Variants in PALS1 observed in about 807,000 individuals in gnomAD.
The protein encoded by PALS1 is protein PALS1.
A neutral mutation model predicts 78.9 loss-of-function variants in PALS1; 31 were observed. That is an observed-to-expected ratio of 0.39 (90% CI 0.30 to 0.53). The LOEUF (loss-of-function observed/expected upper bound fraction) is 0.53, where lower values mean the gene tolerates loss of function less well. Among genes scored for constraint, PALS1 ranks in the 20% least tolerant of loss-of-function variants. The probability of loss-of-function intolerance (pLI) is 0.67; values close to 1 mark genes in which losing one functional copy is unlikely to be tolerated. For synonymous variants in PALS1, 276 were observed against 270.9 expected, an observed-to-expected ratio of 1.02 and a Z score of -0.18; for missense variants, 704 against 826.5, an observed-to-expected ratio of 0.85 and a Z score of 1.82.
intron 14 of PALS1, among the ~76,000 whole-genome samples, chr14:67,325,528 G>A (rs1193347371): frequency 6.6e-6 from 1 of 152,142 alleles, no homozygotes; most frequent in African/African-American, 2.4e-5. Context: ...CATGGTCACT[G>A]GCTGTTCTTG....
chr14:67,268,635 C>T (rs538200528), intron 1 of PALS1, among the ~76,000 whole-genome samples: 2 of 152,196 alleles, frequency 1.3e-5, no homozygotes, highest in African/African-American at 2.4e-5. Flanking sequence ...TAAACTGTCA[C>T]GGCACTGGCA....
Position 67,279,409 on chromosome 14 carries a change from A to C in PALS1, c.239A>C (p.Asp80Ala). 6.2e-7 allele frequency: 1 copy of C among 1,614,012 alleles called. No homozygotes were observed. The highest frequency in any genetic ancestry group is 8.5e-7 in the Non-Finnish European group (1 of 1,179,966). ...REEEGKKQEL[D>A]LNSSMRLKKL... ...GAAGAAGGGAAAAAGCAAGAACTTG[A>C]CCTTAATTCTTCCATGAGACTTAAG... is the stretch of plus-strand genomic sequence containing the variant. Residue 80 changes from aspartate (D) to alanine (A), a missense_variant, in exon 3 of 15, where the codon GAC (aspartate) becomes GCC (alanine). By Grantham distance (126) the Asp-to-Ala change is moderately radical. Transcript: ENST00000261681.
At chr14:67,274,546 T>G (rs1267374831) in intron 2 of PALS1, among the ~76,000 whole-genome samples, 2 of 152,120 alleles carry the variant, frequency 1.3e-5, no homozygotes, top group African/African-American at 2.4e-5. Context: ...AGTTTGAAGT[T>G]GGATAGGGTG....
chr14:67,256,282 A>G (rs1319504918), intron 1 of PALS1, among the ~76,000 whole-genome samples: 1 of 152,216 alleles, frequency 6.6e-6, no homozygotes, highest in East Asian at 1.9e-4. Flanking sequence ...GGGATGGTAG[A>G]TAAACACTGT....
chr14:67,330,740 G>A (rs1264024083), intron 14 of PALS1, among the ~76,000 whole-genome samples: 2 of 144,384 alleles, frequency 1.4e-5, no homozygotes, highest in African/African-American at 2.8e-5. Flanking sequence ...TTATGGGCCT[G>A]AGCCCCCGGC....
Position 67,323,261 on chromosome 14 carries a change from G to GTGTA in PALS1, c.1741-440_1741-439insGTAT, listed in dbSNP as rs1429954753. ...TGTGTGTGTGTGTGTGTGTGTGTGTGTATATATATATATGGCTTCACAGTA... is the reference window on the plus strand; with the variant it reads ...TGTGTGTGTGTGTGTGTGTGTGTGTGTGTATATATATATATATGGCTTCACAGTA... On this transcript the variant is annotated intron_variant, in intron 13 of 14. Coordinates refer to ENST00000261681, the MANE Select transcript of PALS1 (RefSeq NM_022474.4). Among the ~76,000 whole-genome samples, 967 of 124,170 alleles carry GTGTA rather than the reference G, an allele frequency of 7.8e-3. 10 individuals are homozygous for GTGTA. The highest frequency in any genetic ancestry group is 0.023 in the African/African-American group (827 of 36,424). 81.5% of individuals were successfully genotyped at this position (124,170 alleles called of 152,430 possible). A position where few individuals can be genotyped will look rare whatever the true frequency, so the allele number is the denominator to read the frequency against.
At chr14:67,301,084 T>G (rs1398546103) in intron 4 of PALS1, among the ~76,000 whole-genome samples, 2 of 152,064 alleles carry the variant, frequency 1.3e-5, no homozygotes, top group Non-Finnish European at 2.9e-5. Flanking sequence ...GTTAGGACAG[T>G]TTTTCTTTTC....
At chr14:67,318,113 G>C (rs947479048) in intron 11 of PALS1, among the ~76,000 whole-genome samples, 1 of 152,066 alleles carries the variant, frequency 6.6e-6, no homozygotes, top group African/African-American at 2.4e-5. Flanking sequence ...GTTTTTATGG[G>C]CATTTGAGTT....
intron 8 of PALS1, 112 bp from the exon 9 acceptor site, chr14:67,312,415 T>G: frequency 1.4e-6 from 1 of 733,156 alleles, no homozygotes; most frequent in Non-Finnish European, 2.0e-6. Context: ...CTGTCTCTAT[T>G]AAATTTTTTT....
chr14:67,246,595 C>T (rs902982887), intron 1 of PALS1, among the ~76,000 whole-genome samples: 2 of 151,946 alleles, frequency 1.3e-5, no homozygotes, highest in African/African-American at 4.8e-5. Context: ...TCCACCTCAA[C>T]CTCCAAAAGT....
At chr14:67,331,025 TAA>T (rs1200737903) in intron 14 of PALS1, among the ~76,000 whole-genome samples, 1 of 152,038 alleles carries the variant, frequency 6.6e-6, no homozygotes, top group Non-Finnish European at 1.5e-5. Context: ...TTATTCTACT[TAA>T]GTTTTTTTCT....
At chr14:67,243,233 C>G (rs1429964568) in intron 1 of PALS1, among the ~76,000 whole-genome samples, 2 of 151,772 alleles carry the variant, frequency 1.3e-5, no homozygotes, top group East Asian at 1.9e-4. Flanking sequence ...CTTGCCCAGG[C>G]TGGAGTGTAG....
In PALS1 at chr14:67,323,713, T is replaced by C. The variant is rs1225148090; in HGVS notation, c.1752T>C (p.Thr584=). ...LLSLRTQSLK[T]LRNSDLKPYI... ...ATGTCTCTTTACAGTCATTGAAGAC[T>C]CTCCGGAATTCAGATTTGAAACCAT... The change falls in exon 14 of 15, where the codon ACT becomes ACC. Residue 584 remains threonine (T), a synonymous_variant. Transcript: ENST00000261681. 2 of 1,565,562 alleles carry C rather than the reference T, an allele frequency of 1.3e-6. No individual in the cohort carries two copies. Among genetic ancestry groups the C allele is most frequent in the Admixed American group, 1.9e-5 (1 of 52,176 alleles).
intron 4 of PALS1, among the ~76,000 whole-genome samples, chr14:67,298,032 C>G (rs929821120): frequency 6.6e-6 from 1 of 152,022 alleles, no homozygotes; most frequent in Admixed American, 6.6e-5. Flanking sequence ...AGGGAACAAG[C>G]AGTTTAATGC....
At chr14:67,299,380 TAA>T (rs2084901041) in intron 4 of PALS1, among the ~76,000 whole-genome samples, 1 of 152,210 alleles carries the variant, frequency 6.6e-6, no homozygotes, top group African/African-American at 2.4e-5. Flanking sequence ...CTAAGTATAA[TAA>T]AAGTCCATTC....
intron 1 of PALS1, among the ~76,000 whole-genome samples, chr14:67,242,460 TATC>T (rs1295709488): frequency 6.6e-6 from 1 of 152,206 alleles, no homozygotes; most frequent in Non-Finnish European, 1.5e-5. Flanking sequence ...AAAAAAGCAA[TATC>T]ATGTTTTAAT....
At chr14:67,254,025 T>TCCCC (rs150024838) in intron 1 of PALS1, among the ~76,000 whole-genome samples, 23 of 122,986 alleles carry the variant, frequency 1.9e-4, no homozygotes, top group African/African-American at 7.0e-4. Flanking sequence ...CTTATATTCA[T>TCCCC]CCCCCCCCCC....
chr14:67,320,753 G>T (rs571647563), intron 12 of PALS1, among the ~76,000 whole-genome samples: 1 of 152,138 alleles, frequency 6.6e-6, no homozygotes, highest in Non-Finnish European at 1.5e-5. Context: ...TAATCTTATG[G>T]AGATAAACTT....
intron 3 of PALS1, among the ~76,000 whole-genome samples, chr14:67,284,561 A>AC (rs1567520578): frequency 1.5e-5 from 2 of 133,990 alleles, no homozygotes; most frequent in African/African-American, 2.8e-5. Context: ...AAAAAAAAAA[A>AC]AAAAAAAAAA....
Sources: allele counts gnomAD v4.1 joint callset (sites outside exome capture counted in the v4.1 genomes callset), GRCh38; gene constraint gnomAD v4.1.1; transcripts MANE v1.5; gene names NCBI Gene and HGNC (gene_info 2026-07-23, HGNC 2026-07-21).